NKAIN3: variants seen among roughly 807,000 people sequenced by gnomAD.
NKAIN3 encodes the protein sodium/potassium transporting ATPase interacting 3, also known as sodium/potassium-transporting ATPase subunit beta-1-interacting protein 3.
NKAIN3 carries 25 observed loss-of-function variants against 30.2 expected under a neutral mutation model. The ratio of observed to expected loss-of-function variants is 0.83; its 90% CI spans 0.60 to 1.16. The LOEUF is 1.16. Among genes scored for constraint, NKAIN3 ranks in the 50% most tolerant of loss-of-function variants. The pLI is 0.00. For missense variants in NKAIN3, 225 were observed against 254.1 expected (o/e 0.89, Z 0.78); for synonymous variants, 91 against 89.6 (o/e 1.02, Z -0.09).
At chr8:62,632,185 C>A (rs931692629) in intron 3 of NKAIN3, among the ~76,000 whole-genome samples, 4 of 152,114 alleles carry the variant, frequency 2.6e-5, no homozygotes, top group African/African-American at 9.7e-5. Context: ...TAAATAAGAG[C>A]AACCACTTAT....
intron 5 of NKAIN3, among the ~76,000 whole-genome samples, chr8:62,953,290 C>T (rs992080960): frequency 2.6e-5 from 4 of 152,056 alleles, no homozygotes; most frequent in Admixed American, 2.0e-4. Context: ...CATACGTGTA[C>T]ATTAGAATTG....
chr8:62,440,584 C>G (rs1180635496), intron 1 of NKAIN3, among the ~76,000 whole-genome samples: 2 of 152,142 alleles, frequency 1.3e-5, no homozygotes, highest in East Asian at 3.9e-4. Context: ...TCCCTGCGAC[C>G]TGTGTACATG....
intron 1 of NKAIN3, among the ~76,000 whole-genome samples, chr8:62,456,880 A>G (rs1013419289): frequency 6.6e-6 from 1 of 152,256 alleles, no homozygotes; most frequent in Non-Finnish European, 1.5e-5. Context: ...AGTTTTGCAC[A>G]TAGTTCTAGG....
chr8:62,607,784 G>A (rs1216011201), intron 3 of NKAIN3, among the ~76,000 whole-genome samples: 8 of 151,954 alleles, frequency 5.3e-5, no homozygotes, highest in African/African-American at 1.9e-4. Context: ...GACTGCTATT[G>A]AAAGAATATT....
intron 4 of NKAIN3, among the ~76,000 whole-genome samples, chr8:62,813,343 C>T (rs1818554531): frequency 1.2e-5 from 1 of 81,920 alleles, no homozygotes; most frequent in Non-Finnish European, 2.5e-5. Flanking sequence ...TTTGTTATTC[C>T]ATACAAATTT....
At chr8:62,515,409 G>T (rs1448738167) in intron 1 of NKAIN3, among the ~76,000 whole-genome samples, 2 of 151,934 alleles carry the variant, frequency 1.3e-5, no homozygotes, top group Non-Finnish European at 2.9e-5. Flanking sequence ...TTCCTAAATT[G>T]CCTCTATCTC....
downstream of NKAIN3, among the ~76,000 whole-genome samples, chr8:62,985,458 G>T (rs759893391): frequency 5.3e-5 from 8 of 152,136 alleles, no homozygotes; most frequent in Non-Finnish European, 8.8e-5. Flanking sequence ...CTATCTTGTT[G>T]CTCCCAAGGA....
chr8:62,909,406 AC>A (rs545577935), intron 4 of NKAIN3, among the ~76,000 whole-genome samples: 94 of 152,352 alleles, frequency 6.2e-4, no homozygotes, highest in African/African-American at 2.1e-3. Context: ...TTAGTGAAAG[AC>A]AAAAGTTGTC....
intron 4 of NKAIN3, among the ~76,000 whole-genome samples, chr8:62,879,253 T>C (rs1820897565): frequency 2.0e-5 from 3 of 152,234 alleles, no homozygotes; most frequent in African/African-American, 7.2e-5. Flanking sequence ...TGCATTTCTT[T>C]GATGGCCAGT....
chr8:62,315,948 A>G (rs1217825628), intron 1 of NKAIN3, among the ~76,000 whole-genome samples: 7 of 152,184 alleles, frequency 4.6e-5, no homozygotes, highest in Admixed American at 4.6e-4. Context: ...ACATTGTGGG[A>G]GAAACCTGGT....
chr8:62,875,671 C>G (rs1204383389), intron 4 of NKAIN3, among the ~76,000 whole-genome samples: 1 of 152,130 alleles, frequency 6.6e-6, no homozygotes, highest in Non-Finnish European at 1.5e-5. Context: ...AATAACAACA[C>G]AAATCTACAA....
At chr8:62,564,802 C>CCA (rs1453465942) in intron 1 of NKAIN3, among the ~76,000 whole-genome samples, 2 of 151,864 alleles carry the variant, frequency 1.3e-5, no homozygotes, top group African/African-American at 2.4e-5. Context: ...ACACACAAAC[C>CCA]CACACACACA....
At chr8:62,295,404 C>T (rs1212278188) in intron 1 of NKAIN3, among the ~76,000 whole-genome samples, 5 of 152,110 alleles carry the variant, frequency 3.3e-5, no homozygotes, top group Non-Finnish European at 7.3e-5. Flanking sequence ...TCAGACTCAG[C>T]GTGATTTCAT....
chr8:62,987,946 G>A (rs911740276), downstream of NKAIN3, among the ~76,000 whole-genome samples: 5 of 152,202 alleles, frequency 3.3e-5, no homozygotes, highest in Non-Finnish European at 7.3e-5. Flanking sequence ...CTAGATACAA[G>A]GGGAGTACAG....
intron 3 of NKAIN3, among the ~76,000 whole-genome samples, chr8:62,615,422 T>C (rs767645114): frequency 6.6e-6 from 1 of 152,110 alleles, no homozygotes; most frequent in Non-Finnish European, 1.5e-5. Context: ...AGTGGCGAGC[T>C]GTGAAGTGTG....
At chr8:62,871,859 G>A (rs972915675) in intron 4 of NKAIN3, among the ~76,000 whole-genome samples, 1 of 152,138 alleles carries the variant, frequency 6.6e-6, no homozygotes, top group Non-Finnish European at 1.5e-5. Flanking sequence ...TATTCAGGAG[G>A]CAAATTAATT....
chr8:62,462,457 T>A (rs1806027565), intron 1 of NKAIN3, among the ~76,000 whole-genome samples: 1 of 152,338 alleles, frequency 6.6e-6, no homozygotes, highest in East Asian at 1.9e-4. Flanking sequence ...GACACTGAAC[T>A]TTTTACATTA....
intron 1 of NKAIN3, among the ~76,000 whole-genome samples, chr8:62,251,828 A>T (rs1249247377): frequency 6.6e-6 from 1 of 152,252 alleles, no homozygotes; most frequent in South Asian, 2.1e-4. Context: ...TATACTTTAT[A>T]TAGCATTTCC....
intron 1 of NKAIN3, among the ~76,000 whole-genome samples, chr8:62,306,919 A>G (rs998283037): frequency 1.0e-4 from 15 of 150,224 alleles, no homozygotes; most frequent in Admixed American, 9.9e-4. Flanking sequence ...GGGAAAGCAT[A>G]CTGGTCATGA....
Sources: allele counts gnomAD v4.1 joint callset (sites outside exome capture counted in the v4.1 genomes callset), GRCh38; gene constraint gnomAD v4.1.1; transcripts MANE v1.5; gene names NCBI Gene and HGNC (gene_info 2026-07-23, HGNC 2026-07-21).